Variants in NCAM2 observed in about 807,000 individuals in gnomAD.
The protein encoded by NCAM2 is neural cell adhesion molecule 2.
In NCAM2, 30 loss-of-function variants were observed where a neutral mutation model predicts 98.1. That is an observed-to-expected ratio of 0.31 (90% CI 0.23 to 0.41). The LOEUF is 0.41. Among genes scored for constraint, NCAM2 ranks in the 10% least tolerant of loss-of-function variants. The pLI, the probability that NCAM2 is intolerant of heterozygous loss-of-function variation, is 1.00. For missense variants in NCAM2, 867 were observed against 1,005.8 expected (o/e 0.86, Z 1.87); for synonymous variants, 368 against 342.4 (o/e 1.07, Z -0.83).
chr21:21,129,196 A>G (rs967584102), intron 1 of NCAM2, among the ~76,000 whole-genome samples: 23 of 152,156 alleles, frequency 1.5e-4, no homozygotes, highest in African/African-American at 4.8e-4. Context: ...CTGAAAATTT[A>G]TATCAGATAC....
chr21:21,122,949 C>T (rs754760146), intron 1 of NCAM2, among the ~76,000 whole-genome samples: 4 of 152,224 alleles, frequency 2.6e-5, no homozygotes, highest in Non-Finnish European at 2.9e-5. Flanking sequence ...GTGATTGTCC[C>T]GAATGAACCT....
At chr21:21,351,837 A>T (rs796268646) in intron 8 of NCAM2, among the ~76,000 whole-genome samples, 1 of 151,982 alleles carries the variant, frequency 6.6e-6, no homozygotes, top group Non-Finnish European at 1.5e-5. Context: ...ACCTCTCCCT[A>T]CCAGGTTCCA....
In NCAM2 at chr21:21,387,756, C is replaced by A. The variant is rs543430116; in HGVS notation, c.1195+13743C>A. 2.0e-5 allele frequency among the ~76,000 whole-genome samples: 3 copies of A among 152,314 alleles called. No homozygotes were observed. In the South Asian group the frequency reaches 6.2e-4, roughly 32 times the overall value. On this transcript the variant is annotated intron_variant, in intron 9 of 17. Coordinates refer to ENST00000400546, the MANE Select transcript of NCAM2 (RefSeq NM_004540.5). ...CGTATGGTACACACCAAGCCCTCTT[C>A]TAGGATTTTAGTGTATAGAATTGAA...
chr21:21,175,490 G>T (rs1473813826), intron 1 of NCAM2, among the ~76,000 whole-genome samples: 1 of 152,000 alleles, frequency 6.6e-6, no homozygotes, highest in African/African-American at 2.4e-5. Flanking sequence ...CTGAGATCGT[G>T]CCACTGCACT....
Position 21,483,300 on chromosome 21 carries a change from C to A in NCAM2, c.2077+5829C>A, listed in dbSNP as rs565264442. Among the ~76,000 whole-genome samples, 11 of 152,002 alleles carry A rather than the reference C, an allele frequency of 7.2e-5. No individual in the cohort carries two copies. In the South Asian group the frequency reaches 1.9e-3, roughly 26 times the overall value. ...TTTTATATTCAATGATAAAATAATT[C>A]TGCCCTCTGGGAACATGTAATGCAT... is the stretch of plus-strand genomic sequence containing the variant. On this transcript the variant is annotated intron_variant, in intron 15 of 17. Transcript: ENST00000400546.
At chr21:21,154,060 C>G (rs992016986) in intron 1 of NCAM2, among the ~76,000 whole-genome samples, 3 of 151,644 alleles carry the variant, frequency 2.0e-5, no homozygotes, top group African/African-American at 7.3e-5. Flanking sequence ...TTTTAGCATG[C>G]AAATTTGGAG....
chr21:21,274,397 A>C (rs1318555657), intron 1 of NCAM2, among the ~76,000 whole-genome samples: 1 of 152,164 alleles, frequency 6.6e-6, no homozygotes, highest in Admixed American at 6.5e-5. Context: ...GAATTCCTAA[A>C]ATGTTTGACG....
intron 16 of NCAM2, among the ~76,000 whole-genome samples, chr21:21,529,323 G>A (rs1989498427): frequency 2.0e-5 from 3 of 152,178 alleles, no homozygotes; most frequent in Non-Finnish European, 2.9e-5. Flanking sequence ...CCTATCCAAC[G>A]CAGGTATAAG....
rs1164096890 is a variant in NCAM2, at chr21:21,280,657, G to A, written c.130+5G>A. 5 of 1,517,626 alleles carry A rather than the reference G, an allele frequency of 3.3e-6. No homozygotes were observed. The highest frequency in any genetic ancestry group is 4.0e-5 in the Admixed American group (2 of 49,888). 94.0% of individuals were successfully genotyped at this position (1,517,626 alleles called of 1,614,324 possible). The stretch of plus-strand genomic sequence containing the variant: ...CTAAATTCTTCACATGTACAGGTAC[G>A]TATTTCTGTAAATACCTTCAGATAA... On this transcript the variant is annotated splice_donor_5th_base_variant and intron_variant, in intron 2 of 17. Coordinates refer to ENST00000400546, the MANE Select transcript of NCAM2 (RefSeq NM_004540.5).
At chr21:21,397,226 T>G (rs541805510) in intron 9 of NCAM2, among the ~76,000 whole-genome samples, 28 of 152,232 alleles carry the variant, frequency 1.8e-4, no homozygotes, top group African/African-American at 6.7e-4. Context: ...CCAGAAGTTA[T>G]CACTCTGGGC....
At chr21:21,526,146 A>G (rs1989310482) in intron 16 of NCAM2, among the ~76,000 whole-genome samples, 1 of 152,072 alleles carries the variant, frequency 6.6e-6, no homozygotes, top group Non-Finnish European at 1.5e-5. Context: ...TAAGACAAAG[A>G]AAGGAAATAA....
At chr21:21,375,672 A>C (rs2076016849) in intron 9 of NCAM2, among the ~76,000 whole-genome samples, 1 of 151,654 alleles carries the variant, frequency 6.6e-6, no homozygotes, top group Non-Finnish European at 1.5e-5. Flanking sequence ...TATATTTTTA[A>C]TTAAAATTTG....
At chr21:21,214,893 G>A (rs1778146855) in intron 1 of NCAM2, among the ~76,000 whole-genome samples, 1 of 150,944 alleles carries the variant, frequency 6.6e-6, no homozygotes, top group Non-Finnish European at 1.5e-5. Context: ...AAATGAAAAG[G>A]AAATTAGGAT....
intron 4 of NCAM2, among the ~76,000 whole-genome samples, chr21:21,287,387 G>A (rs932026903): frequency 9.2e-5 from 14 of 151,926 alleles, no homozygotes; most frequent in African/African-American, 3.1e-4. Context: ...AGCTTAGCAT[G>A]TTCAATGCTT....
At chr21:21,447,687 C>A (rs1203548301) in intron 12 of NCAM2, among the ~76,000 whole-genome samples, 2 of 151,890 alleles carry the variant, frequency 1.3e-5, no homozygotes, top group African/African-American at 4.8e-5. Context: ...GGAACTTAAA[C>A]AAATTTACAA....
At chr21:21,264,460 A>G (rs1030128415) in intron 1 of NCAM2, among the ~76,000 whole-genome samples, 1 of 152,032 alleles carries the variant, frequency 6.6e-6, no homozygotes, top group African/African-American at 2.4e-5. Flanking sequence ...AGCTAAAAAT[A>G]GAACTACCAT....
chr21:21,162,077 C>T (rs903020904), intron 1 of NCAM2, among the ~76,000 whole-genome samples: 1 of 151,976 alleles, frequency 6.6e-6, no homozygotes, highest in South Asian at 2.1e-4. Context: ...TGTCACTGAA[C>T]CATTTGATAA....
intron 1 of NCAM2, among the ~76,000 whole-genome samples, chr21:21,051,666 A>G (rs1046016272): frequency 6.6e-6 from 1 of 152,324 alleles, no homozygotes; most frequent in African/African-American, 2.4e-5. Context: ...GCTCATGGCA[A>G]ACAGTGTTGC....
intron 9 of NCAM2, among the ~76,000 whole-genome samples, chr21:21,405,781 G>A (rs1267007036): frequency 6.6e-6 from 1 of 152,000 alleles, no homozygotes; most frequent in Non-Finnish European, 1.5e-5. Flanking sequence ...TTCTACACTA[G>A]TTTAACAATA....
Sources: gnomAD v4.1 joint callset for allele counts (sites outside exome capture counted in the v4.1 genomes callset) on GRCh38, gnomAD v4.1.1 for gene constraint, MANE v1.5 for transcripts, NCBI Gene and HGNC (gene_info 2026-07-23, HGNC 2026-07-21) for gene names.